Variants in CEP112 observed in about 807,000 individuals in gnomAD.
CEP112 encodes the protein centrosomal protein of 112 kDa.
CEP112 carries 127 observed loss-of-function variants against 153.0 expected under a neutral mutation model. The observed-to-expected ratio is 0.83, with a 90% CI of 0.72 to 0.96. The LOEUF (loss-of-function observed/expected upper bound fraction) is 0.96. Ranked by LOEUF, CEP112 falls within the 40% of genes least tolerant of loss-of-function variation. The probability of loss-of-function intolerance (pLI) is 0.00; values close to 1 mark genes in which losing one functional copy is unlikely to be tolerated. For missense variants in CEP112, 1,089 were observed against 1,101.2 expected, an observed-to-expected ratio of 0.99 and a Z score of 0.16; for synonymous variants, 358 against 374.4, an observed-to-expected ratio of 0.96 and a Z score of 0.51.
At chr17:65,881,367 T>C (rs2146606402) in intron 20 of CEP112, among the ~76,000 whole-genome samples, 1 of 152,158 alleles carries the variant, frequency 6.6e-6, no homozygotes, top group South Asian at 2.1e-4. Context: ...CAGCCAAGTT[T>C]TACACATTAA....
intron 17 of CEP112, among the ~76,000 whole-genome samples, chr17:65,995,788 T>C (rs2063763451): frequency 6.6e-6 from 1 of 152,192 alleles, no homozygotes; most frequent in South Asian, 2.1e-4. Flanking sequence ...AGGGGCCCAG[T>C]GGGAGATAAC....
chr17:66,102,337 T>A (rs1353184198), intron 6 of CEP112, among the ~76,000 whole-genome samples: 1 of 152,186 alleles, frequency 6.6e-6, no homozygotes, highest in Admixed American at 6.5e-5. Context: ...GGTAAATGGT[T>A]GCATAAATAG....
intron 22 of CEP112, among the ~76,000 whole-genome samples, chr17:65,745,708 T>A (rs1041979311): frequency 6.6e-6 from 1 of 152,126 alleles, no homozygotes; most frequent in Non-Finnish European, 1.5e-5. Context: ...TTCTGCGCAG[T>A]TTAACACATG....
chr17:66,189,361 G>A (rs2073074484), intron 1 of CEP112, among the ~76,000 whole-genome samples: 1 of 151,968 alleles, frequency 6.6e-6, no homozygotes, highest in African/African-American at 2.4e-5. Context: ...AAAATTAGCT[G>A]GGCAAAGTGG....
chr17:66,045,194 A>G (rs2066152536), intron 12 of CEP112, among the ~76,000 whole-genome samples: 1 of 151,714 alleles, frequency 6.6e-6, no homozygotes, highest in Non-Finnish European at 1.5e-5. Context: ...CCTCGGCCCC[A>G]CAAGTAGCTG....
chr17:66,143,141 C>T (rs1278666867), intron 4 of CEP112, among the ~76,000 whole-genome samples: 2 of 152,000 alleles, frequency 1.3e-5, no homozygotes, highest in Admixed American at 1.3e-4. Flanking sequence ...CAGAAGAAAT[C>T]AAGAGAAATG....
intron 19 of CEP112, among the ~76,000 whole-genome samples, chr17:65,906,888 T>C (rs770337052): frequency 2.6e-5 from 4 of 152,344 alleles, no homozygotes; most frequent in Non-Finnish European, 5.9e-5. Context: ...CTCAGCGTTA[T>C]ACCAACAAGG....
intron 19 of CEP112, among the ~76,000 whole-genome samples, chr17:65,907,161 G>C (rs1299716115): frequency 6.6e-6 from 1 of 152,176 alleles, no homozygotes; most frequent in Non-Finnish European, 1.5e-5. Context: ...AACTAGCTGT[G>C]AGATCGTTAG....
At chr17:65,747,188 T>C (rs1403006742) in intron 22 of CEP112, among the ~76,000 whole-genome samples, 1 of 152,110 alleles carries the variant, frequency 6.6e-6, no homozygotes, top group Non-Finnish European at 1.5e-5. Flanking sequence ...TATAATACAA[T>C]AAAGAAGACA....
chr17:66,038,669 A>G (rs2145811956), intron 12 of CEP112, among the ~76,000 whole-genome samples: 1 of 152,354 alleles, frequency 6.6e-6, no homozygotes, highest in African/African-American at 2.4e-5. Flanking sequence ...GAATCAGGGA[A>G]GAAATAAGTT....
intron 8 of CEP112, among the ~76,000 whole-genome samples, chr17:66,095,745 A>T (rs750307239): frequency 1.3e-5 from 2 of 152,208 alleles, no homozygotes; most frequent in African/African-American, 2.4e-5. Flanking sequence ...CAATGTATAC[A>T]TATTTCAAAA....
At chr17:65,863,124 G>A (rs139693706) in intron 20 of CEP112, among the ~76,000 whole-genome samples, 2 of 151,542 alleles carry the variant, frequency 1.3e-5, no homozygotes, top group Non-Finnish European at 2.9e-5. Flanking sequence ...TCATTATTCT[G>A]GACACAATAC....
At chr17:66,162,584 A>AT (rs1257184885) in intron 4 of CEP112, among the ~76,000 whole-genome samples, 3 of 152,220 alleles carry the variant, frequency 2.0e-5, no homozygotes, top group Non-Finnish European at 4.4e-5. Flanking sequence ...TCATACAATA[A>AT]TTTTAAAAAT....
intron 23 of CEP112, among the ~76,000 whole-genome samples, chr17:65,708,674 T>C (rs1759378654): frequency 6.6e-6 from 1 of 152,182 alleles, no homozygotes; most frequent in Admixed American, 6.5e-5. Flanking sequence ...ACTCTAGTCC[T>C]ACAGTCACTT....
At chr17:65,977,733 G>A (rs1940659261) in intron 17 of CEP112, among the ~76,000 whole-genome samples, 1 of 152,096 alleles carries the variant, frequency 6.6e-6, no homozygotes, top group South Asian at 2.1e-4. Context: ...TTGAAGCCAG[G>A]AATTTGAGAC....
chr17:66,169,582 C>A (rs2072159793), intron 4 of CEP112, among the ~76,000 whole-genome samples: 3 of 152,042 alleles, frequency 2.0e-5, no homozygotes. Context: ...CCGCACCCGG[C>A]CTGTAATTTC....
chr17:65,973,555 C>T (rs1482091010), intron 17 of CEP112, among the ~76,000 whole-genome samples: 2 of 152,178 alleles, frequency 1.3e-5, no homozygotes, highest in African/African-American at 4.8e-5. Context: ...CAATAAGATA[C>T]TACTACACAC....
At chr17:65,831,624 T>C (rs906387965) in intron 21 of CEP112, among the ~76,000 whole-genome samples, 4 of 151,314 alleles carry the variant, frequency 2.6e-5, no homozygotes, top group East Asian at 1.9e-4. Flanking sequence ...TAAAAGAAAT[T>C]TGGAAAACAA....
intron 23 of CEP112, among the ~76,000 whole-genome samples, chr17:65,740,335 A>G (rs1040186067): frequency 2.0e-5 from 3 of 152,214 alleles, no homozygotes; most frequent in African/African-American, 7.2e-5. Flanking sequence ...TAGAACAAGC[A>G]TCTTTTTGAT....
Sources: allele counts gnomAD v4.1 joint callset (sites outside exome capture counted in the v4.1 genomes callset), GRCh38; gene constraint gnomAD v4.1.1; transcripts MANE v1.5; gene names NCBI Gene and HGNC (gene_info 2026-07-23, HGNC 2026-07-21).